The following FGFR1OP2 variants were observed in gnomAD, a reference collection of about 807,000 sequenced individuals.
FGFR1OP2 encodes fibroblast growth factor receptor 1 oncogene partner 2.
In FGFR1OP2, 17 loss-of-function variants were observed where a neutral mutation model predicts 35.2. The ratio of observed to expected loss-of-function variants is 0.48; its 90% CI spans 0.33 to 0.73. The LOEUF (loss-of-function observed/expected upper bound fraction) is 0.73, where lower values mean the gene tolerates loss of function less well. FGFR1OP2 is among the 30% of genes least tolerant of loss of function. The pLI is 0.02. For missense variants in FGFR1OP2, 251 were observed against 307.3 expected (o/e 0.82, Z 1.37); for synonymous variants, 105 against 104.6 (o/e 1.00, Z -0.03).
In FGFR1OP2 at chr12:26,964,779, A is replaced by T. The variant is rs753014631; in HGVS notation, c.*46A>T. ...CTTCTTACATGGCTCCAAATGGTCA[A>T]ATAAGTGAATGAATGAATGGACAGA... On this transcript the variant is annotated 3_prime_UTR_variant, in exon 7 of 7. Coordinates refer to ENST00000229395, the MANE Select transcript of FGFR1OP2 (RefSeq NM_015633.3). 1.9e-6 allele frequency: 3 copies of T among 1,579,698 alleles called. No homozygotes were observed.
Position 26,965,934 on chromosome 12 carries a change from TAAA to T in FGFR1OP2, c.*1203_*1205del, listed in dbSNP as rs923114630. Reference sequence around the variant, plus strand: ...TTGTGGTGATTGTATTAAAAAGGGATAAAAGAAGAGTGTCAAACATGGTTAAAT... The same window carrying T: ...TTGTGGTGATTGTATTAAAAAGGGATAGAAGAGTGTCAAACATGGTTAAAT... On this transcript the variant is annotated 3_prime_UTR_variant, in exon 7 of 7. Coordinates refer to ENST00000229395, the MANE Select transcript of FGFR1OP2 (RefSeq NM_015633.3). 15 of 152,090 alleles carry T rather than the reference TAAA, an allele frequency of 9.9e-5. No homozygotes were observed. Among genetic ancestry groups the T allele is most frequent in the Non-Finnish European group, 7.4e-5 (5 of 67,970 alleles). The allele number at this position is 152,090 out of a possible 1,614,324, so 9.4% of individuals were successfully genotyped here.
chr12:26,941,214 C>T (rs1006464637), intron 1 of FGFR1OP2, among the ~76,000 whole-genome samples: 4 of 151,788 alleles, frequency 2.6e-5, no homozygotes, highest in South Asian at 4.2e-4. Flanking sequence ...AAAAATAGGC[C>T]GAAAAGTTTA....
intron 4 of FGFR1OP2, 99 bp from the exon 5 acceptor site, chr12:26,960,416 C>G: frequency 1.5e-6 from 1 of 689,486 alleles, no homozygotes; most frequent in Non-Finnish European, 2.1e-6. Context: ...AAAAAGCAAA[C>G]ATTTCAAACA....
chr12:26,963,466 CA>C lies in FGFR1OP2; in HGVS notation c.624+12del, dbSNP rs779863961. 3.9e-6 allele frequency: 6 copies of C among 1,551,530 alleles called. No individual in the cohort carries two copies. The highest frequency in any genetic ancestry group is 5.3e-6 in the Non-Finnish European group (6 of 1,130,860). The stretch of plus-strand genomic sequence containing the variant: ...ATATTTCAACTTGAAGTAAGTTTTA[CA>C]TTGCAAATGTAGATGAAAACTGTCC... On this transcript the variant is annotated intron_variant, in intron 6 of 6. Transcript: ENST00000229395.
chr12:26,960,409 A>G lies in FGFR1OP2; in HGVS notation c.397-106A>G. On this transcript the variant is annotated intron_variant, in intron 4 of 6. Transcript: ENST00000229395. The stretch of plus-strand genomic sequence containing the variant: ...AGATGCCTTTTTGGAAATCTTAAAA[A>G]AGCAAACATTTCAAACAGTTGGCTA... The G allele has an allele frequency of 3.0e-6, 2 of 661,422 alleles. 1 individual carries two copies. The highest frequency in any genetic ancestry group is 9.0e-5 in the South Asian group (2 of 22,160). 41.0% of individuals were successfully genotyped at this position (661,422 alleles called of 1,614,324 possible). A position where few individuals can be genotyped will look rare whatever the true frequency, so the allele number is the denominator to read the frequency against.
At chr12:26,944,142 T>C (rs1296535064) in intron 1 of FGFR1OP2, among the ~76,000 whole-genome samples, 16 of 152,204 alleles carry the variant, frequency 1.1e-4, no homozygotes, top group Admixed American at 1.0e-3. Context: ...CCTGTGACAT[T>C]GCTAAAATCA....
chr12:26,942,414 T>G (rs970473255), intron 1 of FGFR1OP2, among the ~76,000 whole-genome samples: 5 of 152,176 alleles, frequency 3.3e-5, no homozygotes, highest in South Asian at 2.1e-4. Flanking sequence ...TATAAGGTAG[T>G]TAGTTATTGC....
In FGFR1OP2 at chr12:26,957,608, T is replaced by C. The variant is rs749386177; in HGVS notation, c.261T>C (p.Arg87=). ...CAATATTATTCTTGATAGAATTACGTACATCTCTGGAAGAACATCAGTCGG... is the reference window on the plus strand; with the variant it reads ...CAATATTATTCTTGATAGAATTACGCACATCTCTGGAAGAACATCAGTCGG... The part of the protein sequence containing the change: ...RELQQENKEL[R]TSLEEHQSAL... Residue 87 remains arginine (R), a synonymous_variant, in exon 4 of 7, where the codon CGT becomes CGC. Transcript: ENST00000229395. The C allele has an allele frequency of 6.2e-7, 1 of 1,611,576 alleles. No individual in the cohort carries two copies. The highest frequency in any genetic ancestry group is 1.1e-5 in the South Asian group (1 of 90,690).
In FGFR1OP2 at chr12:26,965,168, C is replaced by G. The variant is rs1438155002; in HGVS notation, c.*435C>G. 2 of 155,736 alleles carry G rather than the reference C, an allele frequency of 1.3e-5. No individual in the cohort carries two copies. Among genetic ancestry groups the G allele is most frequent in the East Asian group, 3.7e-4 (2 of 5,348 alleles). 9.6% of individuals were successfully genotyped at this position (155,736 alleles called of 1,614,324 possible). ...TCCTTATTTGGCGTCAAAGTTGATG[C>G]AAAGTTTATGTACCATGAGACTTCT... On this transcript the variant is annotated 3_prime_UTR_variant, in exon 7 of 7. Coordinates refer to ENST00000229395, the MANE Select transcript of FGFR1OP2 (RefSeq NM_015633.3).
chr12:26,964,503 C>G (rs184158851), intron 6 of FGFR1OP2, 93 bp from the exon 7 acceptor site: 57 of 1,403,452 alleles, frequency 4.1e-5, no homozygotes, highest in Admixed American at 2.4e-4. Context: ...GTTTGTTATA[C>G]CTTCATATGT....
chr12:26,949,704 G>A (rs1007859160), intron 1 of FGFR1OP2, among the ~76,000 whole-genome samples: 4 of 151,906 alleles, frequency 2.6e-5, no homozygotes, highest in African/African-American at 4.8e-5. Flanking sequence ...TCAGCTTCCC[G>A]AGTAGCTGGG....
intron 1 of FGFR1OP2, among the ~76,000 whole-genome samples, chr12:26,944,573 C>T (rs919377059): frequency 1.7e-4 from 26 of 152,138 alleles, no homozygotes; most frequent in Non-Finnish European, 3.5e-4. Context: ...TCCCATTGGT[C>T]AGGGTATATT....
At chr12:26,949,018 T>G (rs1021034892) in intron 1 of FGFR1OP2, among the ~76,000 whole-genome samples, 1 of 152,064 alleles carries the variant, frequency 6.6e-6, no homozygotes, top group African/African-American at 2.4e-5. Context: ...ATAACTAAAC[T>G]TAAAAAAATA....
chr12:26,948,643 G>T (rs1481280878), intron 1 of FGFR1OP2, among the ~76,000 whole-genome samples: 4 of 152,148 alleles, frequency 2.6e-5, no homozygotes, highest in Non-Finnish European at 5.9e-5. Flanking sequence ...CTCCTGCCTG[G>T]GGTTTCCTGA....
Position 26,954,146 on chromosome 12 carries a change from T to TA in FGFR1OP2, c.-12dup. 1 of 1,569,174 alleles carries TA rather than the reference T, an allele frequency of 6.4e-7. No homozygotes were observed. Among genetic ancestry groups the TA allele is most frequent in the Non-Finnish European group, 8.6e-7 (1 of 1,158,376 alleles). ...TCTTGATTTTAATTTTAATTATAGA[T>TA]ATATCTTTAGAAATGAGTTGCACAA... On this transcript the variant is annotated splice_region_variant and 5_prime_UTR_variant, in exon 2 of 7. Transcript: ENST00000229395.
intron 1 of FGFR1OP2, 89 bp from the exon 2 acceptor site, chr12:26,954,056 G>A: frequency 1.0e-6 from 1 of 952,774 alleles, no homozygotes; most frequent in South Asian, 2.2e-5. Context: ...AACAAATGTG[G>A]CTTAAGAAGC....
chr12:26,953,058 C>G (rs577629384), intron 1 of FGFR1OP2, among the ~76,000 whole-genome samples: 151 of 151,842 alleles, frequency 9.9e-4, no homozygotes, highest in Non-Finnish European at 1.6e-3. Context: ...GTCAGGAGAT[C>G]GAGACCATCC....
At chr12:26,941,379 A>G (rs1003183937) in intron 1 of FGFR1OP2, among the ~76,000 whole-genome samples, 1 of 152,232 alleles carries the variant, frequency 6.6e-6, no homozygotes, top group Admixed American at 6.5e-5. Context: ...TGCATATTAT[A>G]AAATATTTTA....
intron 6 of FGFR1OP2, 111 bp downstream of exon 6, chr12:26,963,566 TCTC>T: frequency 1.5e-6 from 1 of 663,250 alleles, no homozygotes; most frequent in South Asian, 2.3e-5. Context: ...CTGGTAATGT[TCTC>T]CTGGATGCTG....
Sources: allele counts gnomAD v4.1 joint callset (sites outside exome capture counted in the v4.1 genomes callset), GRCh38; gene constraint gnomAD v4.1.1; transcripts MANE v1.5; gene names NCBI Gene and HGNC (gene_info 2026-07-23, HGNC 2026-07-21).